EDN2: variants seen among roughly 807,000 people sequenced by gnomAD.
EDN2 encodes endothelin 2, also known as endothelin-2.
Under a neutral mutation model 19.9 loss-of-function variants are expected in EDN2, and 10 were observed. That is an observed-to-expected ratio of 0.50 (90% CI 0.31 to 0.85). The LOEUF is 0.85. Among genes scored for constraint, EDN2 ranks in the 40% least tolerant of loss-of-function variants. The probability of loss-of-function intolerance (pLI) is 0.05; values close to 1 mark genes in which losing one functional copy is unlikely to be tolerated. For synonymous variants in EDN2, 84 were observed against 94.9 expected (o/e 0.89, Z 0.67); for missense variants, 222 against 239.3 (o/e 0.93, Z 0.48).
In EDN2 at chr1:41,484,554, G is replaced by T. The variant is rs375216745; in HGVS notation, c.48C>A (p.Leu16=). The T allele has an allele frequency of 9.5e-5, 148 of 1,557,166 alleles. No homozygotes were observed. The highest frequency in any genetic ancestry group is 1.2e-4 in the Non-Finnish European group (134 of 1,150,490). ...TTWCSVALAL[L]VALHEGKGQA... ...GCAGCTCACCTTCATGCAGGGCCAC[G>T]AGCAGGGCTAGCGCAACGGAGCACC... The change falls in exon 1 of 5, where the codon CTC becomes CTA. Residue 16 remains leucine, a synonymous_variant. Coordinates refer to ENST00000372587, the MANE Select transcript of EDN2 (RefSeq NM_001956.5).
intron 3 of EDN2, 147 bp downstream of exon 3, chr1:41,482,319 G>T: frequency 1.0e-6 from 1 of 978,032 alleles, no homozygotes; most frequent in Non-Finnish European, 1.4e-6. Flanking sequence ...TGGTGCCATG[G>T]ACCCAAAGCA....
rs11572353 is a variant in EDN2, at chr1:41,482,748, A to G, written c.222-160T>C. Among the ~76,000 whole-genome samples, 539 of 152,300 alleles carry G rather than the reference A, an allele frequency of 3.5e-3. 3 individuals carry two copies. The highest frequency in any genetic ancestry group is 5.5e-3 in the Non-Finnish European group (375 of 68,022). ...AGCCACCCATGCCAGCAGGGTGCCA[A>G]TGAAAGGTGACCAGCCCTTGACCTC... is the stretch of plus-strand genomic sequence containing the variant. On this transcript the variant is annotated intron_variant, in intron 2 of 4. Transcript: ENST00000372587.
chr1:41,484,646 G>A lies in EDN2; in HGVS notation c.-45C>T. 6.5e-7 allele frequency: 1 copy of A among 1,547,332 alleles called. No homozygotes were observed. The highest frequency in any genetic ancestry group is 8.7e-7 in the Non-Finnish European group (1 of 1,143,918). On this transcript the variant is annotated 5_prime_UTR_variant, in exon 1 of 5. Coordinates refer to ENST00000372587, the MANE Select transcript of EDN2 (RefSeq NM_001956.5). ...GGCTGGACTGGAGCAGGGAGTGCCT[G>A]TTGCCAGCGTCCTGCTATTAAGCTG...
intron 1 of EDN2, 132 bp downstream of exon 1, chr1:41,484,406 C>CAT: frequency 7.4e-7 from 1 of 1,356,728 alleles, no homozygotes. Context: ...AACCTTTCCC[C>CAT]TGCCACCACT....
At chr1:41,484,278 C>G (rs550514311) in intron 1 of EDN2, 75 bp from the exon 2 acceptor site, 1 of 1,530,880 alleles carries the variant, frequency 6.5e-7, no homozygotes, top group Non-Finnish European at 8.9e-7. Flanking sequence ...GGGGGACCCA[C>G]CATGCCCCTC....
Position 41,481,204 on chromosome 1 carries a change from A to G in EDN2, c.345-11T>C. ...GCCCCGGCTTCAGTCCTACGTGAAT[A>G]GCATTAGGGCCCAAGTGATGGACTG... On this transcript the variant is annotated splice_polypyrimidine_tract_variant and intron_variant, in intron 3 of 4. Coordinates refer to ENST00000372587, the MANE Select transcript of EDN2 (RefSeq NM_001956.5). 1 of 1,612,016 alleles carries G rather than the reference A, an allele frequency of 6.2e-7. No homozygotes were observed. Among genetic ancestry groups the G allele is most frequent in the Non-Finnish European group, 8.5e-7 (1 of 1,178,552 alleles).
intron 4 of EDN2, 53 bp downstream of exon 4, chr1:41,481,042 T>C: frequency 7.1e-7 from 1 of 1,412,578 alleles, no homozygotes; most frequent in South Asian, 1.2e-5. Flanking sequence ...ATATGGGAAA[T>C]GTGCAAGGCA....
intron 2 of EDN2, 98 bp downstream of exon 2, chr1:41,483,949 G>T: frequency 7.7e-7 from 1 of 1,303,356 alleles, no homozygotes; most frequent in Non-Finnish European, 1.1e-6. Flanking sequence ...GGCCCAGGGA[G>T]AGATGGAATG....
intron 4 of EDN2, among the ~76,000 whole-genome samples, chr1:41,480,364 A>G (rs1644237014): frequency 6.6e-6 from 1 of 152,184 alleles, no homozygotes; most frequent in South Asian, 2.1e-4. Context: ...TGGGAATGGC[A>G]AACCCCTCCA....
intron 3 of EDN2, 152 bp from the exon 4 acceptor site, chr1:41,481,345 C>T (rs1422167534): frequency 4.9e-6 from 3 of 611,866 alleles, no homozygotes; most frequent in South Asian, 4.1e-5. Flanking sequence ...GCATCTTTCC[C>T]TTTCCAGGTG....
chr1:41,483,540 G>A (rs1366533388), intron 2 of EDN2, among the ~76,000 whole-genome samples: 4 of 152,014 alleles, frequency 2.6e-5, no homozygotes, highest in Non-Finnish European at 4.4e-5. Context: ...CTCATCTGTC[G>A]TTTGAGGGAC....
At chr1:41,482,835 A>G (rs1644259982) in intron 2 of EDN2, 2 of 330,294 alleles carry the variant, frequency 6.1e-6, no homozygotes, top group Middle Eastern at 1.7e-3. Context: ...CCTTGGCAAG[A>G]CCCTCCCCTT....
chr1:41,484,268 G>A, intron 1 of EDN2, 65 bp from the exon 2 acceptor site: 7 of 1,567,242 alleles, frequency 4.5e-6, no homozygotes, highest in Non-Finnish European at 6.1e-6. Context: ...ATCCCAGAGT[G>A]GGGGACCCAC....
chr1:41,481,685 G>A (rs371401303), intron 3 of EDN2, among the ~76,000 whole-genome samples: 3 of 151,920 alleles, frequency 2.0e-5, no homozygotes, highest in Admixed American at 6.6e-5. Flanking sequence ...GATTACAGGC[G>A]CCCGCCACCA....
intron 1 of EDN2, 44 bp from the exon 2 acceptor site, chr1:41,484,247 G>T: frequency 6.3e-7 from 1 of 1,597,296 alleles, no homozygotes; most frequent in Non-Finnish European, 8.5e-7. Flanking sequence ...GTGGGTTGGG[G>T]TGCCTGGCAC....
At chr1:41,482,887 G>A (rs1644260219) in intron 2 of EDN2, 1 of 223,066 alleles carries the variant, frequency 4.5e-6, no homozygotes, top group African/African-American at 2.3e-5. Context: ...CCAGCATGGG[G>A]GCAAGGAAAT....
At chr1:41,483,963 C>T in intron 2 of EDN2, 84 bp downstream of exon 2, 2 of 1,430,636 alleles carry the variant, frequency 1.4e-6, no homozygotes, top group Non-Finnish European at 1.9e-6. Flanking sequence ...TGGAATGTGT[C>T]AACGTTCCCT....
intron 4 of EDN2, chr1:41,480,742 G>A (rs1307243857): frequency 2.0e-6 from 1 of 491,742 alleles, no homozygotes. Context: ...GCAGCAGAGA[G>A]GGAGCAGGCT....
chr1:41,484,415 C>A, intron 1 of EDN2, 123 bp downstream of exon 1: 1 of 1,393,478 alleles, frequency 7.2e-7, no homozygotes, highest in Non-Finnish European at 9.7e-7. Context: ...CCTGCCACCA[C>A]TGCCGCCAGG....
Sources: allele counts gnomAD v4.1 joint callset (sites outside exome capture counted in the v4.1 genomes callset), GRCh38; gene constraint gnomAD v4.1.1; transcripts MANE v1.5; gene names NCBI Gene and HGNC (gene_info 2026-07-23, HGNC 2026-07-21).